Variants in TEX11 observed in about 807,000 individuals in gnomAD.
TEX11 encodes the protein testis expressed 11, also known as testis-expressed protein 11.
TEX11 carries 7 observed loss-of-function variants against 84.4 expected under a neutral mutation model. The ratio of observed to expected loss-of-function variants is 0.08; its 90% CI spans 0.05 to 0.16. TEX11 has a LOEUF of 0.16. TEX11 is among the 10% of genes least tolerant of loss of function. TEX11 has a pLI of 1.00. For missense variants in TEX11, 551 were observed against 660.5 expected (o/e 0.83, Z 1.82); for synonymous variants, 264 against 222.8 (o/e 1.18, Z -1.64).
At chrX:70,750,933 A>AAAAAATATATATATATAT (rs1390175136) in intron 9 of TEX11, among the ~76,000 whole-genome samples, 8 of 28,182 alleles carry the variant, frequency 2.8e-4, no homozygotes, top group Admixed American at 3.7e-4. Context: ...AAAAAAAAAA[A>AAAAAATATATATATATAT]ATATATATAT....
At chrX:70,696,899 C>T (rs753497197) in intron 13 of TEX11, among the ~76,000 whole-genome samples, 13 of 112,327 alleles carry the variant, frequency 1.2e-4, no homozygotes, top group African/African-American at 4.2e-4. Flanking sequence ...TACTGGCCAT[C>T]CTGGGCTCTT....
chrX:70,802,210 C>CAAGGAAAAAAAGGAAGGAAAA (rs912674919), intron 9 of TEX11, among the ~76,000 whole-genome samples: 17 of 110,747 alleles, frequency 1.5e-4, no homozygotes, highest in Non-Finnish European at 2.5e-4. Flanking sequence ...AAATACATTG[C>CAAGGAAAAAAAGGAAGGAAAA]AAGGAAAAAA....
chrX:70,903,719 G>A (rs977020792), intron 2 of TEX11, among the ~76,000 whole-genome samples: 1 of 110,231 alleles, frequency 9.1e-6, no homozygotes, highest in Non-Finnish European at 1.9e-5. Flanking sequence ...GACACTTTCC[G>A]GGGTACAAGA....
At chrX:70,583,028 A>G (rs2088800861) in intron 25 of TEX11, among the ~76,000 whole-genome samples, 1 of 110,813 alleles carries the variant, frequency 9.0e-6, no homozygotes, top group African/African-American at 3.3e-5. Context: ...TTATTTTTAA[A>G]TGTTTGATTG....
intron 28 of TEX11, among the ~76,000 whole-genome samples, chrX:70,534,894 T>C (rs1444155788): frequency 2.7e-5 from 3 of 111,832 alleles, no homozygotes; most frequent in Non-Finnish European, 5.6e-5. Context: ...TTTTCATTCC[T>C]CCAAAAGGAA....
At chrX:70,524,969 T>C (rs187946957), downstream of TEX11, among the ~76,000 whole-genome samples, 289 of 111,514 alleles carry the variant, frequency 2.6e-3, no homozygotes, top group African/African-American at 8.8e-3. Flanking sequence ...AGCTCAGGAG[T>C]TTGAGACCAG....
At chrX:70,540,061 TCAGAGAAAC>T (rs2088022124) in intron 28 of TEX11, among the ~76,000 whole-genome samples, 1 of 111,571 alleles carries the variant, frequency 9.0e-6, no homozygotes. Flanking sequence ...CTAAAGCAGG[TCAGAGAAAC>T]CAAGTTAAAA....
chrX:70,625,625 C>G (rs1445668090), intron 18 of TEX11, among the ~76,000 whole-genome samples: 2 of 110,872 alleles, frequency 1.8e-5, no homozygotes, highest in Admixed American at 9.6e-5. Flanking sequence ...TTTCCTATAA[C>G]CAGACTATAT....
At chrX:70,675,199 A>C in intron 15 of TEX11, among the ~76,000 whole-genome samples, 1 of 111,891 alleles carries the variant, frequency 8.9e-6, no homozygotes, top group Non-Finnish European at 1.9e-5. Flanking sequence ...ATACGAAAAA[A>C]ATCTTATCAA....
intron 11 of TEX11, among the ~76,000 whole-genome samples, chrX:70,730,662 A>G (rs765275696): frequency 5.4e-5 from 6 of 111,961 alleles, no homozygotes; most frequent in Admixed American, 2.9e-4. Flanking sequence ...GCAAGTCCTT[A>G]GAGACCTACA....
chrX:70,523,532 C>T, the TEX11 span, among the ~76,000 whole-genome samples: 2 of 111,004 alleles, frequency 1.8e-5, no homozygotes, highest in Non-Finnish European at 3.8e-5. Context: ...GGCGCGATCT[C>T]GGCTCACTGC....
At chrX:70,894,134 T>C (rs937818158) in intron 2 of TEX11, among the ~76,000 whole-genome samples, 1 of 109,466 alleles carries the variant, frequency 9.1e-6, no homozygotes, top group Non-Finnish European at 1.9e-5. Context: ...AGCTGAATTC[T>C]ACCAGAGGTA....
At position 70,884,125 on chromosome X, in the gene TEX11, C is replaced by T. The variant is rs189045411; in HGVS notation, c.38-4016G>A. 3.6e-5 allele frequency among the ~76,000 whole-genome samples: 4 copies of T among 112,564 alleles called. No homozygotes were observed. In the East Asian group the frequency reaches 1.1e-3, roughly 31 times the overall value. On this transcript the variant is annotated intron_variant, in intron 2 of 29. Transcript: ENST00000374333. ...GTCTCGAAGCTTTTTCATATGCATT[C>T]TCATTTAATCTTCAATCTATTCTGT...
At chrX:70,530,291 C>T (rs943511365) in intron 28 of TEX11, among the ~76,000 whole-genome samples, 1 of 111,858 alleles carries the variant, frequency 8.9e-6, no homozygotes, top group Non-Finnish European at 1.9e-5. Context: ...AACTTGCATA[C>T]TGTTTGGGGC....
chrX:70,709,482 A>T (rs185858203), intron 13 of TEX11, among the ~76,000 whole-genome samples: 2 of 111,625 alleles, frequency 1.8e-5, no homozygotes, highest in African/African-American at 6.5e-5. Context: ...CATTATCATA[A>T]GAATGTATTT....
intron 2 of TEX11, among the ~76,000 whole-genome samples, chrX:70,885,393 GA>G (rs2091702551): frequency 1.8e-5 from 2 of 112,063 alleles, no homozygotes; most frequent in African/African-American, 6.5e-5. Context: ...CTGAGGTCAA[GA>G]GAGCAATGCA....
rs1199153374 is a variant in TEX11, at chrX:70,670,517, A to G, written c.1243-3T>C. 1.4e-5 allele frequency: 17 copies of G among 1,186,356 alleles called. No homozygotes were observed. The highest frequency in any genetic ancestry group is 1.9e-5 in the Non-Finnish European group (17 of 886,736). ...AGGGCATCAGTGTAATTTTGTACCTAAAGTTTAAAAAGAAACAACAAAATC... is the reference window on the plus strand; with the variant it reads ...AGGGCATCAGTGTAATTTTGTACCTGAAGTTTAAAAAGAAACAACAAAATC... On this transcript the variant is annotated splice_polypyrimidine_tract_variant and splice_region_variant and intron_variant, in intron 15 of 29. Transcript: ENST00000374333.
intron 9 of TEX11, among the ~76,000 whole-genome samples, chrX:70,788,761 A>G (rs1382059151): frequency 9.8e-6 from 1 of 101,633 alleles, no homozygotes; most frequent in Non-Finnish European, 2.0e-5. Flanking sequence ...GGTCTGGGCA[A>G]TGTTTTCTTG....
chrX:70,577,885 G>A lies in TEX11; in HGVS notation c.2140+13866C>T, dbSNP rs188393877. ...TGGGATTACAGGTACCCACCACCACGCCAAGCTAATTTTTGTATTTTTAGT... is the reference window on the plus strand; with the variant it reads ...TGGGATTACAGGTACCCACCACCACACCAAGCTAATTTTTGTATTTTTAGT... On this transcript the variant is annotated intron_variant, in intron 25 of 29. Coordinates refer to ENST00000374333, the MANE Select transcript of TEX11 (RefSeq NM_031276.3). Among the ~76,000 whole-genome samples the A allele has an allele frequency of 2.7e-3, 295 of 110,063 alleles. 3 individuals are homozygous for A. The highest frequency in any genetic ancestry group is 9.0e-3 in the African/African-American group (274 of 30,305).
Sources: gnomAD v4.1 joint callset for allele counts (sites outside exome capture counted in the v4.1 genomes callset) on GRCh38, gnomAD v4.1.1 for gene constraint, MANE v1.5 for transcripts, NCBI Gene and HGNC (gene_info 2026-07-23, HGNC 2026-07-21) for gene names.